FANCA: variants seen among roughly 807,000 people sequenced by gnomAD.
FANCA encodes the protein Fanconi anemia group A protein.
FANCA carries 236 observed loss-of-function variants against 194.3 expected under a neutral mutation model. The observed-to-expected ratio is 1.21, with a 90% CI of 1.09 to 1.35. The LOEUF (loss-of-function observed/expected upper bound fraction) is 1.35. Among genes scored for constraint, FANCA ranks in the 40% most tolerant of loss-of-function variants. FANCA has a pLI of 0.00. For synonymous variants in FANCA, 1,014 were observed against 715.8 expected, an observed-to-expected ratio of 1.42 and a Z score of -6.65; for missense variants, 2,628 against 1,813.9, an observed-to-expected ratio of 1.45 and a Z score of -8.15.
chr16:89,750,264 G>A (rs372192140), intron 31 of FANCA, among the ~76,000 whole-genome samples: 10 of 150,430 alleles, frequency 6.6e-5, no homozygotes, highest in Admixed American at 2.0e-4. Context: ...GGAGGATCAC[G>A]AGGTCAGGAG....
At chr16:89,809,599 C>A (rs549840740) in intron 5 of FANCA, among the ~76,000 whole-genome samples, 2 of 152,074 alleles carry the variant, frequency 1.3e-5, no homozygotes, top group Admixed American at 6.6e-5. Context: ...CCTGTAATCC[C>A]GGCACTTTGG....
At chr16:89,763,110 G>A (rs111548255) in intron 28 of FANCA, among the ~76,000 whole-genome samples, 2,356 of 151,882 alleles carry the variant, frequency 0.016, 45 homozygotes, top group South Asian at 0.051. Context: ...AGCTGGGCGC[G>A]GTGGCGTGCA....
chr16:89,809,789 G>A (rs181959028), intron 5 of FANCA, among the ~76,000 whole-genome samples: 12 of 151,356 alleles, frequency 7.9e-5, no homozygotes, highest in East Asian at 3.9e-4. Context: ...GGAGGCGGAC[G>A]TTGCGATAAG....
intron 26 of FANCA, among the ~76,000 whole-genome samples, chr16:89,768,525 G>A (rs2039207792): frequency 6.6e-6 from 1 of 152,030 alleles, no homozygotes; most frequent in African/African-American, 2.4e-5. Context: ...GCATGGTGGT[G>A]CACACCTGTA....
Position 89,746,841 on chromosome 16 carries a change from T to C in FANCA, c.3398A>G (p.His1133Arg). 1.3e-6 allele frequency: 2 copies of C among 1,563,946 alleles called. No individual in the cohort carries two copies. Among genetic ancestry groups the C allele is most frequent in the South Asian group, 2.3e-5 (2 of 85,516 alleles). Residue 1133 changes from histidine to arginine, a missense_variant, in exon 34 of 43, where the codon CAC becomes CGC. Transcript: ENST00000389301. ...GGALTQDITA[H>R]FFRGLLNACL... ...GAGGGAGCATCTCACCCTGAAGAAG[T>C]GGGCAGTGATGTCCTGTGTCAGGGC...
At position 89,738,986 on chromosome 16, in the gene FANCA, A is replaced by G. The variant is rs756853923; in HGVS notation, c.4168-12T>C. On this transcript the variant is annotated splice_polypyrimidine_tract_variant and intron_variant, in intron 41 of 42. Coordinates refer to ENST00000389301, the MANE Select transcript of FANCA (RefSeq NM_000135.4). ...TCCACGGGGTTGCCCTAGAGAGAAA[A>G]CAGGCAAACTCACAGGTTAGAAGAC... 6.2e-7 allele frequency: 1 copy of G among 1,614,180 alleles called. No individual in the cohort carries two copies. Among genetic ancestry groups the G allele is most frequent in the Non-Finnish European group, 8.5e-7 (1 of 1,180,028 alleles).
At chr16:89,750,789 C>CAA (rs2038561305) in intron 31 of FANCA, among the ~76,000 whole-genome samples, 1 of 150,792 alleles carries the variant, frequency 6.6e-6, no homozygotes, top group African/African-American at 2.4e-5. Context: ...CAAAACAAAA[C>CAA]AACAACAAAA....
chr16:89,789,755 A>C (rs994165134), intron 14 of FANCA, among the ~76,000 whole-genome samples: 40 of 152,110 alleles, frequency 2.6e-4, no homozygotes, highest in African/African-American at 9.4e-4. Flanking sequence ...CAAAACTTCT[A>C]CAAAAATTAG....
chr16:89,746,692 C>A lies in FANCA; in HGVS notation c.3409-4G>T, dbSNP rs2038401980. 9 of 1,613,638 alleles carry A rather than the reference C, an allele frequency of 5.6e-6. No homozygotes were observed. The highest frequency in any genetic ancestry group is 7.6e-6 in the Non-Finnish European group (9 of 1,179,748). On this transcript the variant is annotated splice_region_variant and splice_polypyrimidine_tract_variant and intron_variant, in intron 34 of 42. Coordinates refer to ENST00000389301, the MANE Select transcript of FANCA (RefSeq NM_000135.4). ...GCAGACAGGCGTTCAGGAGGCCCTGCAGGAGAGAACGCAGCAGGAGGTCAG... is the reference window on the plus strand; with the variant it reads ...GCAGACAGGCGTTCAGGAGGCCCTGAAGGAGAGAACGCAGCAGGAGGTCAG...
chr16:89,774,033 T>TGCTG (rs2039412175), intron 21 of FANCA, among the ~76,000 whole-genome samples: 2 of 152,262 alleles, frequency 1.3e-5, no homozygotes, highest in African/African-American at 4.8e-5. Flanking sequence ...CCTCTCAAAG[T>TGCTG]GCTGGGATTA....
At position 89,737,605 on chromosome 16, in the gene FANCA, G is replaced by T. The variant is rs2061979798; in HGVS notation, c.*996C>A. On this transcript the variant is annotated 3_prime_UTR_variant, in exon 43 of 43. Transcript: ENST00000389301. The stretch of plus-strand genomic sequence containing the variant: ...AAACCATCCTGAAATGCACACAGCT[G>T]ATGAAGCCACGTGACAGTGTATAAA... 2 of 992,368 alleles carry T rather than the reference G, an allele frequency of 2.0e-6. No individual in the cohort carries two copies. The highest frequency in any genetic ancestry group is 6.0e-5 in the Admixed American group (2 of 33,382). The allele number at this position is 992,368 out of a possible 1,614,324, so 61.5% of individuals were successfully genotyped here.
At chr16:89,791,070 T>C (rs1051630928) in intron 14 of FANCA, 1 of 254,398 alleles carries the variant, frequency 3.9e-6, no homozygotes, top group South Asian at 5.4e-5. Flanking sequence ...GGTTTCACTA[T>C]GGTGTCCAGG....
At position 89,784,967 on chromosome 16, in the gene FANCA, G is replaced by T; in HGVS notation, c.1360-3C>A. On this transcript the variant is annotated splice_region_variant and splice_polypyrimidine_tract_variant and intron_variant, in intron 14 of 42. Coordinates refer to ENST00000389301, the MANE Select transcript of FANCA (RefSeq NM_000135.4). ...CCTCGTGTGCTCCCAAAGGAGGCCT[G>T]TGTGGAGAGAAGAGCGTGAAGCCCA... 3 of 1,609,088 alleles carry T rather than the reference G, an allele frequency of 1.9e-6. No homozygotes were observed. The highest frequency in any genetic ancestry group is 4.5e-5 in the East Asian group (2 of 44,848).
intron 13 of FANCA, 108 bp from the exon 14 acceptor site, chr16:89,791,644 C>A: frequency 2.7e-6 from 4 of 1,469,894 alleles, no homozygotes; most frequent in South Asian, 2.4e-5. Context: ...TGTGCACACC[C>A]AAACACCAAG....
intron 14 of FANCA, among the ~76,000 whole-genome samples, chr16:89,789,535 G>A (rs573234072): frequency 2.7e-5 from 4 of 147,150 alleles, no homozygotes; most frequent in South Asian, 2.1e-4. Flanking sequence ...CAACCTCCTC[G>A]GCTTAAGTAA....
intron 37 of FANCA, among the ~76,000 whole-genome samples, chr16:89,741,770 G>T (rs2062139286): frequency 6.6e-6 from 1 of 152,130 alleles, no homozygotes; most frequent in Non-Finnish European, 1.5e-5. Context: ...CCAGGTCTGA[G>T]CTGTCTCACT....
At chr16:89,805,417 G>GT in intron 6 of FANCA, 25 bp from the exon 7 acceptor site, 1 of 1,565,858 alleles carries the variant, frequency 6.4e-7, no homozygotes, top group Non-Finnish European at 8.8e-7. Context: ...AGAGGCAGAC[G>GT]TAAGGCTCAA....
intron 2 of FANCA, 57 bp downstream of exon 2, chr16:89,815,820 G>A: frequency 5.3e-6 from 7 of 1,317,812 alleles, no homozygotes; most frequent in South Asian, 3.5e-5. Flanking sequence ...TGCGGTGGCT[G>A]GACTCAAAAA....
In FANCA at chr16:89,751,932, G is replaced by C. The variant is rs3743861; in HGVS notation, c.3066+206C>G. ...GCTACAGGTGCCCGCCACCACGCCC[G>C]GCTAAATTTTTGTATTTTTAGTAGA... On this transcript the variant is annotated intron_variant, in intron 31 of 42. Coordinates refer to ENST00000389301, the MANE Select transcript of FANCA (RefSeq NM_000135.4). Among the ~76,000 whole-genome samples the C allele has an allele frequency of 0.47, 71,299 of 151,740 alleles. 17,557 individuals carry two copies. The highest frequency in any genetic ancestry group is 0.77 in the East Asian group (3,951 of 5,164).
Sources: allele counts gnomAD v4.1 joint callset (sites outside exome capture counted in the v4.1 genomes callset), GRCh38; gene constraint gnomAD v4.1.1; transcripts MANE v1.5; gene names NCBI Gene and HGNC (gene_info 2026-07-23, HGNC 2026-07-21).